Variants in CATSPERD observed in about 807,000 individuals in gnomAD.
CATSPERD encodes the protein catsper channel auxiliary subunit delta, also known as cation channel sperm-associated auxiliary subunit delta.
In CATSPERD, 86 loss-of-function variants were observed where a neutral mutation model predicts 98.1. The ratio of observed to expected loss-of-function variants is 0.88; its 90% CI spans 0.74 to 1.05. The LOEUF (loss-of-function observed/expected upper bound fraction) is 1.05. Among genes scored for constraint, CATSPERD ranks in the 50% least tolerant of loss-of-function variants. The pLI, the probability that CATSPERD is intolerant of heterozygous loss-of-function variation, is 0.00. For synonymous variants in CATSPERD, 394 were observed against 390.2 expected (o/e 1.01, Z -0.12); for missense variants, 995 against 1,005.7 (o/e 0.99, Z 0.14).
chr19:5,763,077 G>C lies in CATSPERD; in HGVS notation c.1428-138G>C, dbSNP rs1050969417. On this transcript the variant is annotated intron_variant, in intron 15 of 21. Transcript: ENST00000381624. ...GGATGAATGGATGGATGGGTGGGTG[G>C]AATGAATGGATGGAAGGATGGATGA... 37 of 651,586 alleles carry C rather than the reference G, an allele frequency of 5.7e-5. No homozygotes were observed. The African/African-American group carries it at 6.7e-4, about 12-fold the overall frequency. 40.4% of individuals were successfully genotyped at this position (651,586 alleles called of 1,614,324 possible).
At chr19:5,758,055 G>C (rs1449354620) in intron 14 of CATSPERD, 123 bp downstream of exon 14, 2 of 709,890 alleles carry the variant, frequency 2.8e-6, no homozygotes, top group East Asian at 3.1e-5. Context: ...GTGCCCCGCG[G>C]TGGGAAGATG....
chr19:5,738,316 G>T (rs544415429), intron 6 of CATSPERD, among the ~76,000 whole-genome samples: 2 of 148,238 alleles, frequency 1.3e-5, no homozygotes, highest in Non-Finnish European at 3.0e-5. Flanking sequence ...AGGCTAATAT[G>T]GGCAACATGG....
At chr19:5,762,058 A>ATATTTTTTTTTTTTTT in intron 15 of CATSPERD, among the ~76,000 whole-genome samples, 1 of 10,442 alleles carries the variant, frequency 9.6e-5, no homozygotes, top group African/African-American at 3.3e-4. Context: ...ATATATATAT[A>ATATTTTTTTTTTTTTT]TTTTTTTTTT....
chr19:5,762,058 A>ATATTTTTTT, intron 15 of CATSPERD, among the ~76,000 whole-genome samples: 1 of 10,438 alleles, frequency 9.6e-5, no homozygotes, highest in African/African-American at 3.3e-4. Flanking sequence ...ATATATATAT[A>ATATTTTTTT]TTTTTTTTTT....
intron 16 of CATSPERD, among the ~76,000 whole-genome samples, chr19:5,764,223 T>C (rs2056497110): frequency 7.9e-6 from 1 of 126,456 alleles, no homozygotes; most frequent in Admixed American, 9.3e-5. Flanking sequence ...CATGAGCCCC[T>C]GCACCTGGCC....
At chr19:5,723,689 C>T (rs903548561) in intron 1 of CATSPERD, among the ~76,000 whole-genome samples, 3 of 151,786 alleles carry the variant, frequency 2.0e-5, no homozygotes, top group Non-Finnish European at 4.4e-5. Flanking sequence ...TGGTCTCGAT[C>T]TCCTGACTTC....
chr19:5,749,053 A>G (rs1362583730), intron 10 of CATSPERD, 48 bp from the exon 11 acceptor site: 6 of 1,523,944 alleles, frequency 3.9e-6, no homozygotes, highest in Non-Finnish European at 5.4e-6. Flanking sequence ...TGTCCACAGA[A>G]ATGACCAGCA....
chr19:5,731,557 A>G (rs2055717971), intron 4 of CATSPERD, among the ~76,000 whole-genome samples: 1 of 101,960 alleles, frequency 9.8e-6, no homozygotes, highest in African/African-American at 3.5e-5. Flanking sequence ...GCGACACTTA[A>G]CAGTTTTTTT....
At chr19:5,735,564 C>G (rs540967877) in intron 5 of CATSPERD, among the ~76,000 whole-genome samples, 109 of 150,932 alleles carry the variant, frequency 7.2e-4, no homozygotes, top group Non-Finnish European at 1.4e-3. Flanking sequence ...CCTCCACCTC[C>G]CAGGTTCAAG....
intron 3 of CATSPERD, 139 bp from the exon 4 acceptor site, chr19:5,729,733 A>G: frequency 1.8e-6 from 1 of 567,064 alleles, no homozygotes; most frequent in Non-Finnish European, 3.1e-6. Context: ...TTTATGCAAA[A>G]TAAGTAAATT....
At chr19:5,758,482 C>CT (rs1568364201) in intron 14 of CATSPERD, among the ~76,000 whole-genome samples, 1 of 150,688 alleles carries the variant, frequency 6.6e-6, no homozygotes, top group Non-Finnish European at 1.5e-5. Context: ...AATCCCAGCA[C>CT]TTTGAGAGGC....
chr19:5,729,861 G>A lies in CATSPERD; in HGVS notation c.204-11G>A, dbSNP rs911293300. 2 of 1,504,036 alleles carry A rather than the reference G, an allele frequency of 1.3e-6. No homozygotes were observed. The highest frequency in any genetic ancestry group is 1.8e-6 in the Non-Finnish European group (2 of 1,089,376). 93.2% of individuals were successfully genotyped at this position (1,504,036 alleles called of 1,614,324 possible). ...ATTATCCTAATTTAACTTATTTATTGTTTATTTCAGGAAACAAGTTTTTTT... is the reference window on the plus strand; with the variant it reads ...ATTATCCTAATTTAACTTATTTATTATTTATTTCAGGAAACAAGTTTTTTT... On this transcript the variant is annotated splice_polypyrimidine_tract_variant and intron_variant, in intron 3 of 21. Transcript: ENST00000381624.
chr19:5,762,668 A>AATAG (rs1302298112), intron 15 of CATSPERD, among the ~76,000 whole-genome samples: 3 of 145,752 alleles, frequency 2.1e-5, no homozygotes, highest in African/African-American at 7.7e-5. Flanking sequence ...TGGATGAGTG[A>AATAG]ATAGATGGAT....
Position 5,763,225 on chromosome 19 carries a change from G to A in CATSPERD, c.1438G>A (p.Ala480Thr). Reference sequence around the variant, plus strand: ...TCCGTTGCCTTGCAGTTTAAAGAAAGCCACCATGTCTACCTTAACTGTGGA... The same window carrying A: ...TCCGTTGCCTTGCAGTTTAAAGAAAACCACCATGTCTACCTTAACTGTGGA... ...DSNFTSSLKK[A>T]TMSTLTVDIA... Residue 480 changes from alanine (A) to threonine (T), a missense_variant, in exon 16 of 22, where the codon GCC becomes ACC. Ala to Thr is a moderately conservative substitution (Grantham distance 58). Around this residue, in one of 3 missense-constraint regions of CATSPERD, gnomAD observed 762 missense variants for 773.7 expected, o/e 0.98. Transcript: ENST00000381624. 6.2e-7 allele frequency: 1 copy of A among 1,614,066 alleles called. No homozygotes were observed. The highest frequency in any genetic ancestry group is 8.5e-7 in the Non-Finnish European group (1 of 1,179,976).
chr19:5,720,846 G>C, intron 1 of CATSPERD, 38 bp downstream of exon 1: 9 of 1,560,592 alleles, frequency 5.8e-6, no homozygotes, highest in Non-Finnish European at 7.8e-6. Flanking sequence ...GGGTGCTGCC[G>C]GGGGTCGGGA....
At position 5,724,743 on chromosome 19, in the gene CATSPERD, G is replaced by C. The variant is rs2055570706; in HGVS notation, c.72-65G>C. On this transcript the variant is annotated intron_variant, in intron 1 of 21. Coordinates refer to ENST00000381624, the MANE Select transcript of CATSPERD (RefSeq NM_152784.4). ...CTTTAGGGTTAACCCTGAGTTGGCT[G>C]AGTAGGAGGATTCATGCTGAATATT... is the stretch of plus-strand genomic sequence containing the variant. The C allele has an allele frequency of 4.6e-6, 7 of 1,508,248 alleles. No homozygotes were observed. The South Asian group carries it at 7.9e-5, about 17-fold the overall frequency. The allele number at this position is 1,508,248 out of a possible 1,614,324, so 93.4% of individuals were successfully genotyped here.
intron 13 of CATSPERD, among the ~76,000 whole-genome samples, chr19:5,755,144 C>T (rs140891170): frequency 1.3e-5 from 2 of 152,168 alleles, no homozygotes; most frequent in East Asian, 1.9e-4. Context: ...ATGCTGGCCT[C>T]ATTTTCTTAA....
intron 13 of CATSPERD, among the ~76,000 whole-genome samples, chr19:5,754,913 C>T (rs553360288): frequency 6.0e-5 from 9 of 150,414 alleles, no homozygotes; most frequent in African/African-American, 2.2e-4. Flanking sequence ...GGCACGATCT[C>T]GGCTCACTGT....
At chr19:5,772,542 C>T in intron 19 of CATSPERD, 1 of 474,196 alleles carries the variant, frequency 2.1e-6, no homozygotes, top group Non-Finnish European at 3.8e-6. Flanking sequence ...CAGACTTTTC[C>T]TTCCACCCTG....
Sources: gnomAD v4.1 joint callset for allele counts (sites outside exome capture counted in the v4.1 genomes callset) on GRCh38, gnomAD v4.1.1 for gene constraint, gnomAD v4.1.1 regional missense constraint, MANE v1.5 for transcripts, NCBI Gene and HGNC (gene_info 2026-07-23, HGNC 2026-07-21) for gene names.